NRXN3: variants seen among roughly 807,000 people sequenced by gnomAD.
The protein encoded by NRXN3 is neurexin III.
NRXN3 carries 32 observed loss-of-function variants against 137.6 expected under a neutral mutation model. That is an observed-to-expected ratio of 0.23 (90% confidence interval 0.18 to 0.31). NRXN3 has a LOEUF of 0.31. NRXN3 is among the 10% of genes least tolerant of loss of function. The pLI, the probability that NRXN3 is intolerant of heterozygous loss-of-function variation, is 1.00. For synonymous variants in NRXN3, 798 were observed against 784.5 expected, an observed-to-expected ratio of 1.02 and a Z score of -0.29; for missense variants, 1,574 against 2,062.5, an observed-to-expected ratio of 0.76 and a Z score of 4.59.
intron 15 of NRXN3, among the ~76,000 whole-genome samples, chr14:79,070,393 T>C (rs1259038163): frequency 2.0e-5 from 3 of 152,188 alleles, no homozygotes; most frequent in African/African-American, 4.8e-5. Context: ...CAGCTTTTCA[T>C]TGTGGCCACT....
At chr14:79,734,506 C>T (rs1026656598) in intron 19 of NRXN3, among the ~76,000 whole-genome samples, 2 of 152,172 alleles carry the variant, frequency 1.3e-5, no homozygotes, top group Non-Finnish European at 2.9e-5. Flanking sequence ...ATAGGTGATA[C>T]ATCATCTTCT....
intron 4 of NRXN3, among the ~76,000 whole-genome samples, chr14:78,599,668 CT>C (rs529686490): frequency 1.7e-3 from 254 of 152,310 alleles, no homozygotes; most frequent in African/African-American, 6.0e-3. Context: ...TTTTTTGTCC[CT>C]ACAGCCTAAC....
At position 78,479,780 on chromosome 14, in the gene NRXN3, G is replaced by A. The variant is rs772312672; in HGVS notation, c.758-165340G>A. ...TTGTAATTATTTTATGCTATATTTT[G>A]TGTGTGTGTGGAAGAAAACCTCTAT... On this transcript the variant is annotated intron_variant, in intron 4 of 20. Coordinates refer to ENST00000335750, the MANE Select transcript of NRXN3 (RefSeq NM_001330195.2). Among the ~76,000 whole-genome samples the A allele has an allele frequency of 5.7e-4, 86 of 152,004 alleles. 1 individual carries two copies. Among genetic ancestry groups the A allele is most frequent in the Non-Finnish European group, 2.9e-4 (20 of 67,990 alleles).
chr14:79,618,001 CCTTA>C (rs1358054839), intron 16 of NRXN3, among the ~76,000 whole-genome samples: 2 of 149,318 alleles, frequency 1.3e-5, no homozygotes, highest in African/African-American at 5.0e-5. Flanking sequence ...AAAATGAAAG[CCTTA>C]CTTCTTTCTT....
intron 15 of NRXN3, among the ~76,000 whole-genome samples, chr14:79,029,287 A>G (rs987146099): frequency 2.0e-5 from 3 of 152,138 alleles, no homozygotes; most frequent in Non-Finnish European, 2.9e-5. Flanking sequence ...ACCATATAGC[A>G]TCTATTTGCT....
intron 19 of NRXN3, among the ~76,000 whole-genome samples, chr14:79,732,710 TTCAC>T (rs2098928400): frequency 6.6e-6 from 1 of 152,214 alleles, no homozygotes; most frequent in Non-Finnish European, 1.5e-5. Flanking sequence ...TATTTGTTAT[TTCAC>T]TTAATTCCCA....
At chr14:78,548,898 C>T (rs897848721) in intron 4 of NRXN3, among the ~76,000 whole-genome samples, 4 of 152,204 alleles carry the variant, frequency 2.6e-5, no homozygotes, top group African/African-American at 9.7e-5. Context: ...CTCCAGCTGT[C>T]ACAGTCTCTT....
chr14:78,216,945 A>G (rs1351972161), intron 1 of NRXN3, among the ~76,000 whole-genome samples: 2 of 151,946 alleles, frequency 1.3e-5, no homozygotes, highest in African/African-American at 2.4e-5. Flanking sequence ...CTATCCCTCT[A>G]AGGACACTAG....
chr14:79,490,990 C>T (rs1251055691), intron 16 of NRXN3, among the ~76,000 whole-genome samples: 2 of 152,202 alleles, frequency 1.3e-5, no homozygotes, highest in East Asian at 1.9e-4. Context: ...ATCCTTCAAA[C>T]GAAGTGGCTA....
At chr14:79,379,506 C>G (rs1236211781) in intron 15 of NRXN3, among the ~76,000 whole-genome samples, 1 of 152,084 alleles carries the variant, frequency 6.6e-6, no homozygotes. Context: ...CAGGATTTGC[C>G]CACTTTCTGC....
Position 79,697,623 on chromosome 14 carries a change from C to T in NRXN3, c.3707-7C>T. The T allele has an allele frequency of 1.2e-6, 2 of 1,609,422 alleles. No homozygotes were observed. The highest frequency in any genetic ancestry group is 1.7e-6 in the Non-Finnish European group (2 of 1,176,978). The stretch of plus-strand genomic sequence containing the variant: ...AATAATAATGTTTCCTCCACCCAAC[C>T]CACTAGGCCGGCAGTTAACCATCTT... On this transcript the variant is annotated splice_polypyrimidine_tract_variant and splice_region_variant and intron_variant, in intron 18 of 20. Transcript: ENST00000335750.
chr14:78,769,769 T>C (rs2098720768), intron 8 of NRXN3, among the ~76,000 whole-genome samples: 1 of 152,184 alleles, frequency 6.6e-6, no homozygotes, highest in Non-Finnish European at 1.5e-5. Flanking sequence ...TTGATTATGC[T>C]GAGGAGGTAG....
At chr14:79,557,310 C>T (rs1247006010) in intron 16 of NRXN3, among the ~76,000 whole-genome samples, 1 of 149,440 alleles carries the variant, frequency 6.7e-6, no homozygotes, top group Non-Finnish European at 1.5e-5. Flanking sequence ...ACCACCTCCT[C>T]CCCCTGCCCC....
rs183039025 is a variant in NRXN3 at position 79,346,499 on chromosome 14, C to T, written c.3263-120722C>T. ...ATGAGCACATCATAAAATGATCTTGCCAAAAAAAAGACCATTCATTGATGT... is the reference window on the plus strand; with the variant it reads ...ATGAGCACATCATAAAATGATCTTGTCAAAAAAAAGACCATTCATTGATGT... On this transcript the variant is annotated intron_variant, in intron 15 of 20. Coordinates refer to ENST00000335750, the MANE Select transcript of NRXN3 (RefSeq NM_001330195.2). 4.9e-3 allele frequency among the ~76,000 whole-genome samples: 746 copies of T among 151,864 alleles called. 4 individuals are homozygous for T. The highest frequency in any genetic ancestry group is 0.012 in the South Asian group (57 of 4,812).
At chr14:79,542,245 C>T (rs928670162) in intron 16 of NRXN3, among the ~76,000 whole-genome samples, 8 of 152,158 alleles carry the variant, frequency 5.3e-5, no homozygotes, top group Admixed American at 2.6e-4. Flanking sequence ...TGCCAGGTTA[C>T]GTTCCAGATG....
intron 15 of NRXN3, among the ~76,000 whole-genome samples, chr14:79,307,289 A>G (rs1189975124): frequency 1.3e-5 from 2 of 152,238 alleles, no homozygotes; most frequent in Admixed American, 6.5e-5. Flanking sequence ...CTTAAGTCTG[A>G]CTTCAGAGCT....
At chr14:78,889,953 G>C (rs1430475936) in intron 10 of NRXN3, among the ~76,000 whole-genome samples, 1 of 152,024 alleles carries the variant, frequency 6.6e-6, no homozygotes, top group Non-Finnish European at 1.5e-5. Flanking sequence ...AAGACGTAGA[G>C]ACTTGTGAAA....
chr14:78,349,921 C>A (rs1244444349), intron 4 of NRXN3, among the ~76,000 whole-genome samples: 1 of 152,192 alleles, frequency 6.6e-6, no homozygotes, highest in African/African-American at 2.4e-5. Flanking sequence ...GGACACCTAG[C>A]TCCTGCCAAC....
chr14:79,199,267 A>G (rs183277850), intron 15 of NRXN3, among the ~76,000 whole-genome samples: 2 of 149,360 alleles, frequency 1.3e-5, no homozygotes, highest in Non-Finnish European at 3.0e-5. Flanking sequence ...TTGTCTCTCT[A>G]TTTTTACCTT....
Sources: allele counts gnomAD v4.1 joint callset (sites outside exome capture counted in the v4.1 genomes callset), GRCh38; gene constraint gnomAD v4.1.1; transcripts MANE v1.5; gene names NCBI Gene and HGNC (gene_info 2026-07-23, HGNC 2026-07-21).